The following NALF1 variants were observed in gnomAD, a reference collection of about 807,000 sequenced individuals.
NALF1 encodes NALCN channel auxiliary factor 1, also known as family with sequence similarity 155 member A.
A neutral mutation model predicts 48.4 loss-of-function variants in NALF1; 3 were observed. The ratio of observed to expected loss-of-function variants is 0.06; its 90% CI spans 0.03 to 0.16. The LOEUF is 0.16. Among genes scored for constraint, NALF1 ranks in the 10% least tolerant of loss-of-function variants. NALF1 has a pLI of 1.00. For missense variants in NALF1, 526 were observed against 571.5 expected (o/e 0.92, Z 0.81); for synonymous variants, 262 against 245.7 (o/e 1.07, Z -0.62).
In NALF1 at chr13:107,210,667, A is replaced by G. The variant is rs1157486413; in HGVS notation, c.1004T>C (p.Leu335Ser). 1.2e-6 allele frequency: 2 copies of G among 1,612,434 alleles called. No individual in the cohort carries two copies. Among genetic ancestry groups the G allele is most frequent in the African/African-American group, 2.7e-5 (2 of 74,870 alleles). Residue 335 changes from leucine (L) to serine (S), a missense_variant, in exon 2 of 3, where the codon TTG becomes TCG. Leu to Ser is a moderately radical substitution (Grantham distance 145). Coordinates refer to ENST00000375915, the MANE Select transcript of NALF1 (RefSeq NM_001080396.3). ...RKTIPCKQYC[L>S]EVQTRCPFIL... ...AAATGGACACCTCGTCTGAACCTCC[A>G]AACAGTATTGCTTGCAAGGAATTGT...
At chr13:107,398,348 G>T (rs909100805) in intron 1 of NALF1, among the ~76,000 whole-genome samples, 12 of 150,024 alleles carry the variant, frequency 8.0e-5, no homozygotes, top group Non-Finnish European at 1.0e-4. Context: ...AATTTTAGAT[G>T]CTGGCAGTTG....
chr13:107,783,591 T>C (rs1370779004), intron 1 of NALF1, among the ~76,000 whole-genome samples: 1 of 152,166 alleles, frequency 6.6e-6, no homozygotes, highest in Non-Finnish European at 1.5e-5. Flanking sequence ...CTGAAACATG[T>C]GCTGTGTCCA....
chr13:107,730,371 CT>C (rs1476683239), intron 1 of NALF1, among the ~76,000 whole-genome samples: 2 of 152,276 alleles, frequency 1.3e-5, no homozygotes, highest in Admixed American at 6.5e-5. Flanking sequence ...ATACAGGACT[CT>C]GCTTCCCAAA....
At chr13:107,470,663 C>T (rs894508803) in intron 1 of NALF1, among the ~76,000 whole-genome samples, 7 of 152,124 alleles carry the variant, frequency 4.6e-5, no homozygotes, top group African/African-American at 1.7e-4. Flanking sequence ...CCCTTAATGG[C>T]CAATGCTTAA....
At chr13:107,507,119 T>C (rs1346588887) in intron 1 of NALF1, among the ~76,000 whole-genome samples, 1 of 152,124 alleles carries the variant, frequency 6.6e-6, no homozygotes, top group Non-Finnish European at 1.5e-5. Context: ...GTACTCTTCA[T>C]TCAACATTGA....
At chr13:107,622,061 C>T (rs111260811) in intron 1 of NALF1, among the ~76,000 whole-genome samples, 115 of 151,814 alleles carry the variant, frequency 7.6e-4, no homozygotes, top group African/African-American at 2.5e-3. Context: ...GACGCTATCT[C>T]GGCTCACTGC....
At chr13:107,435,493 T>C (rs1353498394) in intron 1 of NALF1, among the ~76,000 whole-genome samples, 1 of 152,188 alleles carries the variant, frequency 6.6e-6, no homozygotes, top group African/African-American at 2.4e-5. Context: ...CAGGATTATA[T>C]AGGGATGTAA....
chr13:107,782,709 C>T (rs1300564839), intron 1 of NALF1, among the ~76,000 whole-genome samples: 1 of 151,656 alleles, frequency 6.6e-6, no homozygotes, highest in Non-Finnish European at 1.5e-5. Context: ...CCCGCCGCCC[C>T]GTCTGGGATG....
At chr13:107,387,826 C>T (rs1883555704) in intron 1 of NALF1, among the ~76,000 whole-genome samples, 1 of 152,200 alleles carries the variant, frequency 6.6e-6, no homozygotes, top group South Asian at 2.1e-4. Flanking sequence ...AAACCTAAGT[C>T]ATTCTTCAGT....
chr13:107,279,344 C>T (rs1029757061), intron 1 of NALF1, among the ~76,000 whole-genome samples: 1 of 152,076 alleles, frequency 6.6e-6, no homozygotes, highest in East Asian at 1.9e-4. Context: ...CAACCTCTGC[C>T]ACCCGGGTTC....
intron 1 of NALF1, among the ~76,000 whole-genome samples, chr13:107,806,770 A>G (rs1347366055): frequency 2.0e-5 from 3 of 152,176 alleles, no homozygotes. Context: ...GAAACGGAAA[A>G]CAGACTTTTT....
chr13:107,563,017 C>A (rs1236463074), intron 1 of NALF1, among the ~76,000 whole-genome samples: 1 of 152,106 alleles, frequency 6.6e-6, no homozygotes, highest in African/African-American at 2.4e-5. Context: ...TTCAGATGAA[C>A]AAGTTAATGT....
chr13:107,845,917 G>A (rs941486791), intron 1 of NALF1, among the ~76,000 whole-genome samples: 27 of 151,984 alleles, frequency 1.8e-4, no homozygotes, highest in African/African-American at 6.0e-4. Flanking sequence ...TGGTAGAGTT[G>A]AATATAATTC....
rs559397930 is a variant in NALF1, at chr13:107,749,492, C to T, written c.915+116190G>A. Among the ~76,000 whole-genome samples, 531 of 152,064 alleles carry T rather than the reference C, an allele frequency of 3.5e-3. 3 individuals are homozygous for T. Among genetic ancestry groups the T allele is most frequent in the Non-Finnish European group, 5.4e-3 (367 of 67,972 alleles). On this transcript the variant is annotated intron_variant, in intron 1 of 2. Transcript: ENST00000375915. ...AAAAAAGGTGAACTTAATTTTAATA[C>T]TGTATTTTATTTAAACCAACCTATC... is the stretch of plus-strand genomic sequence containing the variant.
At chr13:107,418,447 C>T (rs1269768734) in intron 1 of NALF1, among the ~76,000 whole-genome samples, 1 of 152,130 alleles carries the variant, frequency 6.6e-6, no homozygotes, top group Non-Finnish European at 1.5e-5. Context: ...TCCTGGATTC[C>T]TGACACACAG....
intron 1 of NALF1, among the ~76,000 whole-genome samples, chr13:107,277,511 ACG>A (rs1382252477): frequency 6.6e-6 from 1 of 152,184 alleles, no homozygotes. Flanking sequence ...TCTACAGGCC[ACG>A]AAGAGCTATT....
chr13:107,811,556 C>A (rs764005309), intron 1 of NALF1, among the ~76,000 whole-genome samples: 1 of 152,052 alleles, frequency 6.6e-6, no homozygotes, highest in Non-Finnish European at 1.5e-5. Context: ...TCTTTATGGC[C>A]CCCTAAAGTA....
chr13:107,232,376 A>G (rs1158938728), intron 1 of NALF1, among the ~76,000 whole-genome samples: 1 of 152,232 alleles, frequency 6.6e-6, no homozygotes, highest in Non-Finnish European at 1.5e-5. Flanking sequence ...TGGAGGTTAT[A>G]GAAAACACTA....
chr13:107,554,027 G>T (rs112236611), intron 1 of NALF1, among the ~76,000 whole-genome samples: 22 of 152,224 alleles, frequency 1.4e-4, no homozygotes, highest in Admixed American at 5.2e-4. Flanking sequence ...GAGCTATCCA[G>T]CCCTGAGAGC....
Sources: allele counts gnomAD v4.1 joint callset (sites outside exome capture counted in the v4.1 genomes callset), GRCh38; gene constraint gnomAD v4.1.1; transcripts MANE v1.5; gene names NCBI Gene and HGNC (gene_info 2026-07-23, HGNC 2026-07-21).